ZNF469: variants seen among roughly 807,000 people sequenced by gnomAD.
The protein encoded by ZNF469 is zinc finger protein 469.
In ZNF469, 1 loss-of-function variant was observed where a neutral mutation model predicts 1.0. That is an observed-to-expected ratio of 1.00 (90% CI 0.35 to 4.73). ZNF469 has a LOEUF of 4.73. ZNF469 is among the 30% of genes most tolerant of loss of function. The pLI is 0.16. For synonymous variants in ZNF469, 2,703 were observed against 2,363.4 expected, an observed-to-expected ratio of 1.14 and a Z score of -4.17; for missense variants, 6,100 against 5,356.3, an observed-to-expected ratio of 1.14 and a Z score of -4.33.
intron 1 of ZNF469, among the ~76,000 whole-genome samples, chr16:88,402,515 C>T (rs964003090): frequency 1.3e-5 from 2 of 152,036 alleles, no homozygotes; most frequent in African/African-American, 4.8e-5. Context: ...GTTTGAAGGC[C>T]CCTGTGGAGA....
chr16:88,246,604 C>T, the ZNF469 span, among the ~76,000 whole-genome samples: 4 of 152,196 alleles, frequency 2.6e-5, no homozygotes, highest in Admixed American at 1.3e-4. Flanking sequence ...ATTTTTTATT[C>T]GTAGGTCAAA....
Position 88,430,354 on chromosome 16 carries a change from G to T in ZNF469, c.2884G>T (p.Gly962Cys). ...GTTCCGGAAGGATCTGGACTCGGGC[G>T]GCGCAGCAGAGGGGTCGGGGTCGGG... is the stretch of plus-strand genomic sequence containing the variant. Reference protein sequence around the residue: ...KLFRKDLDSGGAAEGSGSGGG... With the variant: ...KLFRKDLDSGCAAEGSGSGGG... Residue 962 changes from glycine to cysteine, a missense_variant, in exon 3 of 3, where the codon GGC (glycine) becomes TGC (cysteine). By Grantham distance (159) the Gly-to-Cys change is radical. Transcript: ENST00000565624. 1 of 1,512,100 alleles carries T rather than the reference G, an allele frequency of 6.6e-7. No individual in the cohort carries two copies. The highest frequency in any genetic ancestry group is 1.2e-5 in the South Asian group (1 of 80,596). 93.7% of individuals were successfully genotyped at this position (1,512,100 alleles called of 1,614,324 possible).
At chr16:88,186,675 A>G in the ZNF469 span, among the ~76,000 whole-genome samples, 10 of 152,124 alleles carry the variant, frequency 6.6e-5, no homozygotes, top group African/African-American at 1.9e-4. Context: ...GCGGCGGTCA[A>G]AGTCGCACAC....
the ZNF469 span, among the ~76,000 whole-genome samples, chr16:88,273,519 C>T: frequency 1.3e-5 from 2 of 152,102 alleles, no homozygotes; most frequent in Non-Finnish European, 2.9e-5. Flanking sequence ...TTGGCAAGGA[C>T]GTAGGGACAC....
At chr16:88,134,166 A>G in the ZNF469 span, among the ~76,000 whole-genome samples, 1 of 152,230 alleles carries the variant, frequency 6.6e-6, no homozygotes, top group South Asian at 2.1e-4. Context: ...TTAGAGTATC[A>G]TCTTTCTGAA....
the ZNF469 span, among the ~76,000 whole-genome samples, chr16:88,243,363 A>G: frequency 6.6e-6 from 1 of 152,174 alleles, no homozygotes; most frequent in African/African-American, 2.4e-5. Context: ...CCTGTCTACA[A>G]GAGGGTTCTG....
the ZNF469 span, chr16:88,177,391 C>G: frequency 0.075 from 11,390 of 152,274 alleles, 501 homozygotes; most frequent in Middle Eastern, 0.14. This position sits in a 1 kb window ranked among gnomAD's most constrained non-coding sequence, Gnocchi z 4.8. Context: ...TCCCCACTCT[C>G]CCAGTCCTCA....
chr16:88,142,002 A>T, the ZNF469 span, among the ~76,000 whole-genome samples: 1,255 of 152,336 alleles, frequency 8.2e-3, 24 homozygotes, highest in African/African-American at 0.029. Context: ...CAGCCGCAGG[A>T]GGCTACGCAG....
chr16:88,379,158 G>A (rs1046218907), upstream of ZNF469, among the ~76,000 whole-genome samples: 1 of 152,072 alleles, frequency 6.6e-6, no homozygotes, highest in Admixed American at 6.5e-5. Flanking sequence ...TGGCCCTCCT[G>A]ACCGTCTACT....
chr16:88,438,602 T>A lies in ZNF469; in HGVS notation c.11132T>A (p.Leu3711Gln). The A allele has an allele frequency of 6.5e-7, 1 of 1,549,992 alleles. No individual in the cohort carries two copies. Among genetic ancestry groups the A allele is most frequent in the Non-Finnish European group, 8.7e-7 (1 of 1,146,896 alleles). ...KAVGSLAPGE[L>Q]ARGTENGMKP... is the part of the protein sequence containing the mutation. ...GTGGGGAGCCTGGCACCCGGGGAGC[T>A]GGCCCGTGGCACAGAGAATGGGATG... is the stretch of plus-strand genomic sequence containing the variant. The change falls in exon 3 of 3, where the codon CTG becomes CAG. Residue 3711 changes from leucine to glutamine, a missense_variant. Physicochemically the swap from Leu to Gln is moderately radical, Grantham distance 113. Transcript: ENST00000565624.
chr16:88,265,175 C>T, the ZNF469 span, among the ~76,000 whole-genome samples: 3 of 152,200 alleles, frequency 2.0e-5, no homozygotes, highest in Non-Finnish European at 2.9e-5. Flanking sequence ...CTGCCCTGGC[C>T]GCCGCCCACT....
the ZNF469 span, among the ~76,000 whole-genome samples, chr16:88,210,066 C>T: frequency 2.6e-4 from 39 of 152,230 alleles, no homozygotes; most frequent in Admixed American, 1.6e-3. Context: ...TTCTCAGTGA[C>T]GCTGCTACAT....
At chr16:88,367,771 T>C in the ZNF469 span, among the ~76,000 whole-genome samples, 1 of 152,024 alleles carries the variant, frequency 6.6e-6, no homozygotes, top group Non-Finnish European at 1.5e-5. Context: ...GTCCCTGGGG[T>C]CCCGGGCTCA....
the ZNF469 span, among the ~76,000 whole-genome samples, chr16:88,310,376 G>C: frequency 6.6e-6 from 1 of 151,826 alleles, no homozygotes; most frequent in Non-Finnish European, 1.5e-5. Flanking sequence ...ATGAAAGGCA[G>C]AAATAAGGGT....
the ZNF469 span, among the ~76,000 whole-genome samples, chr16:88,351,963 C>T: frequency 1.3e-5 from 2 of 152,222 alleles, no homozygotes; most frequent in African/African-American, 4.8e-5. Flanking sequence ...GAGGCCCCTC[C>T]GCCCCGAGGA....
the ZNF469 span, among the ~76,000 whole-genome samples, chr16:88,213,143 G>T: frequency 3.3e-5 from 5 of 151,920 alleles, no homozygotes; most frequent in African/African-American, 1.2e-4. Flanking sequence ...CTGTGGCCCA[G>T]GCTGGAGTGC....
At chr16:88,370,966 C>T in the ZNF469 span, among the ~76,000 whole-genome samples, 1 of 152,224 alleles carries the variant, frequency 6.6e-6, no homozygotes, top group Non-Finnish European at 1.5e-5. Context: ...ATGGGAGGCA[C>T]GCGGCCCAGT....
At position 88,438,504 on chromosome 16, in the gene ZNF469, C is replaced by T; in HGVS notation, c.11034C>T (p.Ser3678=). The change falls in exon 3 of 3, where the codon AGC becomes AGT. Residue 3678 remains serine, a synonymous_variant. Transcript: ENST00000565624. ...CCACCAAGCCTGCGGGCTGCCAGAG[C>T]TCATCAAAGGACAGGTCGGCAGCAT... is the stretch of plus-strand genomic sequence containing the variant. ...GSATKPAGCQ[S]SSKDRSAAST... 1.3e-6 allele frequency: 2 copies of T among 1,550,138 alleles called. No homozygotes were observed. The highest frequency in any genetic ancestry group is 2.4e-5 in the East Asian group (1 of 40,916).
At chr16:88,372,068 TC>T in the ZNF469 span, among the ~76,000 whole-genome samples, 1 of 3,180 alleles carries the variant, frequency 3.1e-4, no homozygotes, top group Non-Finnish European at 6.1e-4. Flanking sequence ...ACCACCATCA[TC>T]ACCATCACCA....
Sources: gnomAD v4.1 joint callset for allele counts (sites outside exome capture counted in the v4.1 genomes callset) on GRCh38, gnomAD v4.1.1 for gene constraint, Gnocchi (gnomAD v3.1) non-coding constraint, MANE v1.5 for transcripts, NCBI Gene and HGNC (gene_info 2026-07-23, HGNC 2026-07-21) for gene names.